The following OVCH1 variants were observed in gnomAD, a reference collection of about 807,000 sequenced individuals.
OVCH1 encodes ovochymase-1.
OVCH1 carries 139 observed loss-of-function variants against 138.4 expected under a neutral mutation model. That is an observed-to-expected ratio of 1.00 (90% CI 0.87 to 1.16). The LOEUF is 1.16. Among genes scored for constraint, OVCH1 ranks in the 50% most tolerant of loss-of-function variants. OVCH1 has a pLI of 0.00. For missense variants in OVCH1, 1,367 were observed against 1,357.9 expected, an observed-to-expected ratio of 1.01 and a Z score of -0.11; for synonymous variants, 453 against 467.8, an observed-to-expected ratio of 0.97 and a Z score of 0.41.
chr12:29,468,066 A>G (rs1403458356), intron 16 of OVCH1, among the ~76,000 whole-genome samples: 1 of 152,200 alleles, frequency 6.6e-6, no homozygotes, highest in African/African-American at 2.4e-5. Context: ...GACATTTACC[A>G]TACCACTATA....
At chr12:29,488,434 T>C (rs1943175586) in intron 6 of OVCH1, among the ~76,000 whole-genome samples, 1 of 151,840 alleles carries the variant, frequency 6.6e-6, no homozygotes, top group Non-Finnish European at 1.5e-5. Context: ...CTGACCAACA[T>C]GGTGAAACCC....
chr12:29,475,845 A>T (rs1942689562), intron 13 of OVCH1, among the ~76,000 whole-genome samples: 1 of 152,236 alleles, frequency 6.6e-6, no homozygotes, highest in Non-Finnish European at 1.5e-5. Context: ...TAGAAATTAT[A>T]GCTTTTGGTT....
intron 17 of OVCH1, 73 bp from the exon 18 acceptor site, chr12:29,464,775 C>A: frequency 7.8e-7 from 1 of 1,283,404 alleles, no homozygotes; most frequent in South Asian, 1.4e-5. Context: ...TGTTGATGGT[C>A]CAAAATAATC....
chr12:29,430,828 G>A (rs1592031976), intron 27 of OVCH1: 1 of 500,462 alleles, frequency 2.0e-6, no homozygotes, highest in Non-Finnish European at 4.0e-6. Context: ...TTCTGGCCAG[G>A]AGGCTTCTTG....
chr12:29,496,390 C>T (rs747338914), intron 2 of OVCH1, 112 bp from the exon 3 acceptor site: 180 of 1,175,852 alleles, frequency 1.5e-4, no homozygotes, highest in Middle Eastern at 2.7e-4. Context: ...CTTAAAATAC[C>T]GACATAAATT....
At chr12:29,433,934 TA>T (rs79588258) in intron 26 of OVCH1, 44,163 of 795,524 alleles carry the variant, frequency 0.056, 1,465 homozygotes, top group African/African-American at 0.1. Context: ...GCTGGCTGAT[TA>T]AAAAAAAATG....
chr12:29,488,844 A>C (rs965694756), intron 6 of OVCH1, among the ~76,000 whole-genome samples: 3 of 152,118 alleles, frequency 2.0e-5, no homozygotes, highest in African/African-American at 7.2e-5. Flanking sequence ...AGATAGGAAA[A>C]AGCACCTTTA....
At chr12:29,489,099 A>G (rs909836921) in intron 6 of OVCH1, among the ~76,000 whole-genome samples, 2 of 152,186 alleles carry the variant, frequency 1.3e-5, no homozygotes, top group Non-Finnish European at 2.9e-5. Context: ...GTGTTTCACA[A>G]ATTGGTCTCC....
At chr12:29,496,978 AAGATACC>A (rs1208304050) in intron 1 of OVCH1, among the ~76,000 whole-genome samples, 1 of 152,196 alleles carries the variant, frequency 6.6e-6, no homozygotes, top group East Asian at 1.9e-4. Context: ...GGTTGTGTTA[AAGATACC>A]AGGAGCCACA....
rs762515050 is a variant in OVCH1, at chr12:29,465,231, A to G, written c.1857-12T>C. ...GTGGATTATTCTTCCTGGAGACAGAAGAACAGTGAAAGTTTGACATGAAAA... is the reference window on the plus strand; with the variant it reads ...GTGGATTATTCTTCCTGGAGACAGAGGAACAGTGAAAGTTTGACATGAAAA... On this transcript the variant is annotated splice_polypyrimidine_tract_variant and intron_variant, in intron 16 of 27. Transcript: ENST00000318184. The G allele has an allele frequency of 1.5e-5, 23 of 1,581,526 alleles. No individual in the cohort carries two copies. The highest frequency in any genetic ancestry group is 2.0e-5 in the Non-Finnish European group (23 of 1,162,408).
chr12:29,427,090 A>G (rs924692543), downstream of OVCH1, among the ~76,000 whole-genome samples: 2 of 152,172 alleles, frequency 1.3e-5, no homozygotes, highest in South Asian at 2.1e-4. Flanking sequence ...CAAAGTCACT[A>G]TCATAGCCTG....
At chr12:29,455,163 C>T (rs1941910880) in intron 20 of OVCH1, 86 bp downstream of exon 20, 9 of 1,439,918 alleles carry the variant, frequency 6.3e-6, no homozygotes, top group Admixed American at 2.2e-5. Context: ...TTTTCTCTTT[C>T]ATGCTAATTT....
At chr12:29,423,826 G>A (rs145180173), downstream of OVCH1, among the ~76,000 whole-genome samples, 70 of 152,244 alleles carry the variant, frequency 4.6e-4, no homozygotes, top group African/African-American at 1.5e-3. Flanking sequence ...TCTCTACATC[G>A]TCCTTATCCT....
In OVCH1 at chr12:29,485,318, A is replaced by AT. The variant is rs1943059898; in HGVS notation, c.995+927_995+928insA. Among the ~76,000 whole-genome samples the AT allele has an allele frequency of 7.7e-5, 6 of 78,334 alleles. No individual in the cohort carries two copies. The South Asian group carries it at 2.1e-3, about 28-fold the overall frequency. 51.4% of individuals were successfully genotyped at this position (78,334 alleles called of 152,430 possible). ...GGGTGGAGAACAAGACCCAGTCTTT[A>AT]AAAAAAAAAAAAAAAAAAAAAAAGA... On this transcript the variant is annotated intron_variant, in intron 8 of 27. Coordinates refer to ENST00000318184, the Ensembl canonical transcript of OVCH1.
At chr12:29,477,636 G>T (rs1486720545) in intron 9 of OVCH1, 158 bp from the exon 11 acceptor site, 2 of 1,588,232 alleles carry the variant, frequency 1.3e-6, no homozygotes, top group East Asian at 2.2e-5. Flanking sequence ...CTGCTTCAGT[G>T]ACTTTGCTAT....
At chr12:29,424,515 G>C (rs1056742717), downstream of OVCH1, among the ~76,000 whole-genome samples, 8 of 152,176 alleles carry the variant, frequency 5.3e-5, no homozygotes, top group Admixed American at 5.2e-4. Context: ...AGCATAAGGC[G>C]GTAGGTAGGA....
At chr12:29,424,072 C>T (rs1941144740), downstream of OVCH1, among the ~76,000 whole-genome samples, 1 of 152,210 alleles carries the variant, frequency 6.6e-6, no homozygotes, top group South Asian at 2.1e-4. Context: ...AGGGGTCTCA[C>T]AGCCTTCAGA....
the OVCH1 span, among the ~76,000 whole-genome samples, chr12:29,403,760 A>G: frequency 1.3e-5 from 2 of 152,198 alleles, no homozygotes; most frequent in African/African-American, 2.4e-5. Context: ...GACCTTTCCT[A>G]TCTATTTGTG....
At chr12:29,496,743 C>T in intron 1 of OVCH1, 69 bp from the exon 2 acceptor site, 1 of 1,246,650 alleles carries the variant, frequency 8.0e-7, no homozygotes, top group Non-Finnish European at 1.1e-6. Context: ...CCAAGATTTC[C>T]CATTTGGATT....
Sources: allele counts gnomAD v4.1 joint callset (sites outside exome capture counted in the v4.1 genomes callset), GRCh38; gene constraint gnomAD v4.1.1; transcripts MANE v1.5; gene names NCBI Gene and HGNC (gene_info 2026-07-23, HGNC 2026-07-21).